The following MARCHF1 variants were observed in gnomAD, a reference collection of about 807,000 sequenced individuals.
MARCHF1 encodes the protein membrane associated ring-CH-type finger 1.
Under a neutral mutation model 54.2 loss-of-function variants are expected in MARCHF1, and 40 were observed. The observed-to-expected ratio is 0.74, with a 90% CI of 0.57 to 0.96. MARCHF1 has a LOEUF of 0.96. Among genes scored for constraint, MARCHF1 ranks in the 40% least tolerant of loss-of-function variants. The pLI is 0.00. For missense variants in MARCHF1, 586 were observed against 656.5 expected (o/e 0.89, Z 1.17); for synonymous variants, 236 against 236.3 (o/e 1.00, Z 0.01).
At chr4:163,699,465 A>G (rs944614694) in intron 5 of MARCHF1, among the ~76,000 whole-genome samples, 17 of 152,152 alleles carry the variant, frequency 1.1e-4, no homozygotes, top group Non-Finnish European at 4.4e-5. Context: ...AGCATAAGAT[A>G]ATGTTGATAC....
At chr4:164,069,064 T>C (rs1045949576) in intron 2 of MARCHF1, among the ~76,000 whole-genome samples, 4 of 152,230 alleles carry the variant, frequency 2.6e-5, no homozygotes, top group African/African-American at 9.6e-5. Flanking sequence ...AGCTCAAGGT[T>C]TGTAAATGCA....
At chr4:163,563,544 C>T (rs571678221) in intron 8 of MARCHF1, among the ~76,000 whole-genome samples, 1 of 152,322 alleles carries the variant, frequency 6.6e-6, no homozygotes, top group Admixed American at 6.5e-5. Context: ...CTACCCTGAA[C>T]TACAGTGGCA....
At chr4:163,689,154 A>G (rs139602669) in intron 5 of MARCHF1, among the ~76,000 whole-genome samples, 1 of 152,132 alleles carries the variant, frequency 6.6e-6, no homozygotes, top group African/African-American at 2.4e-5. Context: ...ACAATTAGAG[A>G]TGTTTCTTTA....
Position 163,612,579 on chromosome 4 carries a change from T to C in MARCHF1, c.702A>G (p.Arg234=), listed in dbSNP as rs192420215. The change falls in exon 7 of 10, where the codon AGA becomes AGG. Residue 234 remains arginine (R), a synonymous_variant. Transcript: ENST00000514618. ...ECESCSLNLH[R]GKHTRYQECN... ...ATTCTTGGTACCTTGTATGTTTTCC[T>C]CTGTGGAGATTTAAAGAGCAACTCT... 1,847 of 1,535,626 alleles carry C rather than the reference T, an allele frequency of 1.2e-3. 10 individuals carry two copies. The highest frequency in any genetic ancestry group is 3.3e-3 in the South Asian group (279 of 84,060).
intron 4 of MARCHF1, among the ~76,000 whole-genome samples, chr4:163,766,946 G>T (rs560417872): frequency 6.6e-6 from 1 of 151,984 alleles, no homozygotes; most frequent in East Asian, 1.9e-4. Flanking sequence ...TAGAACTCCA[G>T]TCAATACCTA....
At chr4:164,213,131 C>T (rs1002163140) in intron 1 of MARCHF1, among the ~76,000 whole-genome samples, 3 of 151,554 alleles carry the variant, frequency 2.0e-5, no homozygotes, top group Admixed American at 1.3e-4. Context: ...ATAACAGTGC[C>T]TATTGTAAGT....
In MARCHF1 at chr4:163,973,355, T is replaced by C. The variant is rs536097352; in HGVS notation, c.-39+15146A>G. Among the ~76,000 whole-genome samples, 4 of 152,362 alleles carry C rather than the reference T, an allele frequency of 2.6e-5. No homozygotes were observed. In the South Asian group the frequency reaches 6.2e-4, roughly 24 times the overall value. ...CTGGTTGTTCTTAGCCTTGCTCAAC[T>C]GTCTGGTGACTGGCTGTTAGCTGGG... On this transcript the variant is annotated intron_variant, in intron 3 of 9. Transcript: ENST00000514618.
At chr4:163,763,345 G>A (rs1290611744) in intron 4 of MARCHF1, among the ~76,000 whole-genome samples, 1 of 151,910 alleles carries the variant, frequency 6.6e-6, no homozygotes, top group Non-Finnish European at 1.5e-5. Context: ...TCTTGTCCAA[G>A]GATTGAATTA....
At chr4:163,688,793 C>T (rs1744351768) in intron 5 of MARCHF1, among the ~76,000 whole-genome samples, 1 of 152,120 alleles carries the variant, frequency 6.6e-6, no homozygotes, top group Non-Finnish European at 1.5e-5. Flanking sequence ...TCCTAGAAAA[C>T]TATAATGATG....
chr4:164,285,818 T>TA (rs1734132416), intron 1 of MARCHF1, among the ~76,000 whole-genome samples: 1 of 102,244 alleles, frequency 9.8e-6, no homozygotes, highest in African/African-American at 4.6e-5. Context: ...CTGTAGTTCT[T>TA]TAAAAAAAAA....
intron 4 of MARCHF1, among the ~76,000 whole-genome samples, chr4:163,736,998 T>C (rs931516722): frequency 6.6e-6 from 1 of 152,018 alleles, no homozygotes; most frequent in African/African-American, 2.4e-5. Flanking sequence ...ACTTCTACCA[T>C]CAACTAAGAT....
intron 1 of MARCHF1, among the ~76,000 whole-genome samples, chr4:164,330,533 A>C (rs1312101960): frequency 6.6e-6 from 1 of 152,196 alleles, no homozygotes; most frequent in African/African-American, 2.4e-5. Context: ...AAACTTTGGG[A>C]TTATTAAGTG....
rs1307238568 is a variant in MARCHF1 at position 164,021,860 on chromosome 4, A to C, written c.-247-33151T>G. 2.7e-5 allele frequency among the ~76,000 whole-genome samples: 4 copies of C among 148,676 alleles called. No homozygotes were observed. The East Asian group carries it at 7.9e-4, about 29-fold the overall frequency. On this transcript the variant is annotated intron_variant, in intron 2 of 9. Coordinates refer to ENST00000514618, the MANE Select transcript of MARCHF1 (RefSeq NM_001394959.1). ...CAAAAGTGAACCTCCATGTCAAAAA[A>C]AAAAAATTATATATATATATATATG...
chr4:163,554,273 C>T (rs11100508), intron 8 of MARCHF1, among the ~76,000 whole-genome samples: 46,206 of 152,104 alleles, frequency 0.3, 7,610 homozygotes, highest in African/African-American at 0.43. Flanking sequence ...AGGAATACGC[C>T]ACTAAGAATT....
intron 1 of MARCHF1, among the ~76,000 whole-genome samples, chr4:164,223,054 T>C (rs1257921786): frequency 1.3e-5 from 2 of 151,954 alleles, no homozygotes; most frequent in Non-Finnish European, 1.5e-5. Flanking sequence ...ATCAGATTCT[T>C]GTGAGACTTA....
At chr4:163,864,691 T>C (rs1750013367) in intron 3 of MARCHF1, among the ~76,000 whole-genome samples, 1 of 151,906 alleles carries the variant, frequency 6.6e-6, no homozygotes, top group Admixed American at 6.6e-5. Flanking sequence ...ATTTAAAAAA[T>C]ATTATTTAAA....
intron 4 of MARCHF1, among the ~76,000 whole-genome samples, chr4:163,794,244 T>G (rs893122129): frequency 3.9e-5 from 6 of 152,190 alleles, no homozygotes; most frequent in African/African-American, 1.2e-4. Context: ...TTACTGAAAT[T>G]ATGTATGTTC....
chr4:163,985,716 A>G (rs1454957536), intron 3 of MARCHF1, among the ~76,000 whole-genome samples: 1 of 152,180 alleles, frequency 6.6e-6, no homozygotes, highest in African/African-American at 2.4e-5. Flanking sequence ...AATTCAAATG[A>G]GTTTTTAATT....
At chr4:164,294,273 C>T (rs1191124096) in intron 1 of MARCHF1, among the ~76,000 whole-genome samples, 1 of 152,172 alleles carries the variant, frequency 6.6e-6, no homozygotes, top group Non-Finnish European at 1.5e-5. Flanking sequence ...TGTGGCACTT[C>T]ACCTTGTAAT....
Sources: gnomAD v4.1 joint callset for allele counts (sites outside exome capture counted in the v4.1 genomes callset) on GRCh38, gnomAD v4.1.1 for gene constraint, MANE v1.5 for transcripts, NCBI Gene and HGNC (gene_info 2026-07-23, HGNC 2026-07-21) for gene names.